The following CNNM2 variants were observed in gnomAD, a reference collection of about 807,000 sequenced individuals.
CNNM2 encodes cyclin and CBS domain divalent metal cation transport mediator 2.
A neutral mutation model predicts 66.9 loss-of-function variants in CNNM2; 12 were observed. The observed-to-expected ratio is 0.18, with a 90% CI of 0.11 to 0.29. The LOEUF is 0.29. Among genes scored for constraint, CNNM2 ranks in the 10% least tolerant of loss-of-function variants. The pLI is 1.00. For synonymous variants in CNNM2, 557 were observed against 501.8 expected (o/e 1.11, Z -1.47); for missense variants, 705 against 1,167.7 (o/e 0.60, Z 5.77).
At chr10:103,034,101 C>A (rs1041515374) in intron 1 of CNNM2, among the ~76,000 whole-genome samples, 2 of 151,264 alleles carry the variant, frequency 1.3e-5, no homozygotes, top group Middle Eastern at 3.2e-3. Flanking sequence ...GATTAATTTT[C>A]CTTCTAATAT....
Position 103,043,273 on chromosome 10 carries a change from CTG to C in CNNM2, c.1622-6430_1622-6429del, listed in dbSNP as rs967565691. On this transcript the variant is annotated intron_variant, in intron 1 of 7. Coordinates refer to ENST00000369878, the MANE Select transcript of CNNM2 (RefSeq NM_017649.5). The stretch of plus-strand genomic sequence containing the variant: ...GCATTATTGGGTCTTCTTGACTACT[CTG>C]TGTCACTTTTTATTAGCACAGCTAT... 8.7e-4 allele frequency among the ~76,000 whole-genome samples: 133 copies of C among 152,306 alleles called. 1 individual carries two copies. Among genetic ancestry groups the C allele is most frequent in the African/African-American group, 3.1e-3 (129 of 41,574 alleles).
intron 1 of CNNM2, chr10:102,927,193 A>G (rs1190269824): frequency 7.8e-6 from 7 of 897,294 alleles, no homozygotes; most frequent in Non-Finnish European, 1.2e-5. Flanking sequence ...ATATGTGTGT[A>G]TGTATATGTT....
chr10:103,071,087 T>G (rs1450516819), intron 5 of CNNM2, among the ~76,000 whole-genome samples: 6 of 152,226 alleles, frequency 3.9e-5, no homozygotes, highest in Non-Finnish European at 7.3e-5. Context: ...TGTTTATTGA[T>G]GTTCGCTGTC....
chr10:103,077,820 T>C lies in CNNM2; in HGVS notation c.*640T>C, dbSNP rs745397849. 2.0e-5 allele frequency: 3 copies of C among 152,680 alleles called. No individual in the cohort carries two copies. Among genetic ancestry groups the C allele is most frequent in the Admixed American group, 1.3e-4 (2 of 15,292 alleles). The allele number at this position is 152,680 out of a possible 1,614,324, so 9.5% of individuals were successfully genotyped here. A position where few individuals can be genotyped will look rare whatever the true frequency, so the allele number is the denominator to read the frequency against. On this transcript the variant is annotated 3_prime_UTR_variant, in exon 8 of 8. Transcript: ENST00000369878. ...AATCACCTCTCTGAGCTCAGTGGTA[T>C]TTTGAGAATTTAATGTTTAACTGTA... is the stretch of plus-strand genomic sequence containing the variant.
intron 1 of CNNM2, among the ~76,000 whole-genome samples, chr10:103,042,456 G>T (rs2065059346): frequency 6.6e-6 from 1 of 152,152 alleles, no homozygotes; most frequent in Non-Finnish European, 1.5e-5. Flanking sequence ...GACCCAACAT[G>T]CCTTTTCACT....
At chr10:102,984,017 A>G (rs903380301) in intron 1 of CNNM2, among the ~76,000 whole-genome samples, 4 of 152,112 alleles carry the variant, frequency 2.6e-5, no homozygotes, top group Admixed American at 6.6e-5. Flanking sequence ...TGGCCTCCCA[A>G]AGTGCTGGGA....
intron 1 of CNNM2, among the ~76,000 whole-genome samples, chr10:103,047,651 C>T (rs2065148642): frequency 6.6e-6 from 1 of 152,094 alleles, no homozygotes; most frequent in Non-Finnish European, 1.5e-5. Flanking sequence ...TAAAATTATT[C>T]CAAAGTAAGA....
At chr10:102,965,676 C>CT (rs2063452562) in intron 1 of CNNM2, among the ~76,000 whole-genome samples, 2 of 152,322 alleles carry the variant, frequency 1.3e-5, no homozygotes, top group South Asian at 4.1e-4. Context: ...TTTGTCTACT[C>CT]TATCTCTGTA....
rs2065267061 is a variant in CNNM2 at position 103,054,590 on chromosome 10, GTGTTT to G, written c.1903+131_1903+135del. On this transcript the variant is annotated intron_variant, in intron 3 of 7. Transcript: ENST00000369878. The surrounding 1 kb of genome is among the most constrained non-coding windows in gnomAD (Gnocchi z 5.2). The stretch of plus-strand genomic sequence containing the variant: ...TGGGGTGATAAGTAATGCCACTTTT[GTGTTT>G]TGTTTTTTTTGTTTTTTTGTTTTGT... The G allele has an allele frequency of 4.9e-6, 5 of 1,012,836 alleles. No individual in the cohort carries two copies. The highest frequency in any genetic ancestry group is 7.2e-6 in the Non-Finnish European group (5 of 696,950). 62.7% of individuals were successfully genotyped at this position (1,012,836 alleles called of 1,614,324 possible). A position where few individuals can be genotyped will look rare whatever the true frequency, so the allele number is the denominator to read the frequency against.
intron 1 of CNNM2, among the ~76,000 whole-genome samples, chr10:103,032,294 G>T (rs1346937488): frequency 6.6e-6 from 1 of 151,826 alleles, no homozygotes; most frequent in Admixed American, 6.6e-5. Context: ...TACTAAAAAA[G>T]ACAAAAAACA....
intron 1 of CNNM2, among the ~76,000 whole-genome samples, chr10:102,969,458 C>T (rs868836633): frequency 2.1e-4 from 32 of 151,600 alleles, no homozygotes; most frequent in Admixed American, 7.9e-4. Flanking sequence ...GTGATTTGCC[C>T]GCCTCGGCCT....
chr10:102,985,979 C>T (rs1378860668), intron 1 of CNNM2, among the ~76,000 whole-genome samples: 2 of 152,148 alleles, frequency 1.3e-5, no homozygotes, highest in Non-Finnish European at 2.9e-5. Context: ...AAAGTGATTG[C>T]ACCTTACCTC....
chr10:103,077,424 G>A lies in CNNM2; in HGVS notation c.*244G>A, dbSNP rs1396894351. The A allele has an allele frequency of 1.7e-5, 8 of 482,750 alleles. No individual in the cohort carries two copies. Among genetic ancestry groups the A allele is most frequent in the Admixed American group, 6.9e-5 (2 of 28,902 alleles). 29.9% of individuals were successfully genotyped at this position (482,750 alleles called of 1,614,324 possible). A position where few individuals can be genotyped will look rare whatever the true frequency, so the allele number is the denominator to read the frequency against. Reference sequence around the variant, plus strand: ...AAGATTTTGGAGATGAACTGATTCCGCCCAAATAGAATCATGTTTATTTTT... The same window carrying A: ...AAGATTTTGGAGATGAACTGATTCCACCCAAATAGAATCATGTTTATTTTT... On this transcript the variant is annotated 3_prime_UTR_variant, in exon 8 of 8. Coordinates refer to ENST00000369878, the MANE Select transcript of CNNM2 (RefSeq NM_017649.5).
intron 1 of CNNM2, among the ~76,000 whole-genome samples, chr10:102,993,616 T>TTC (rs2063935022): frequency 6.6e-6 from 1 of 152,170 alleles, no homozygotes; most frequent in Non-Finnish European, 1.5e-5. Flanking sequence ...TTTTTGTTGT[T>TTC]TCTCTCTCCC....
chr10:103,024,502 G>A (rs1435545193), intron 1 of CNNM2, among the ~76,000 whole-genome samples: 1 of 151,698 alleles, frequency 6.6e-6, no homozygotes, highest in Non-Finnish European at 1.5e-5. Flanking sequence ...TTTTTGAGAT[G>A]GAGTCTTGCT....
intron 4 of CNNM2, among the ~76,000 whole-genome samples, chr10:103,061,398 T>A (rs779945855): frequency 1.1e-4 from 16 of 151,964 alleles, no homozygotes; most frequent in Non-Finnish European, 1.9e-4. Flanking sequence ...CTCAAAAAAA[T>A]ATATATAATA....
chr10:102,965,855 CTTT>C (rs1204986314), intron 1 of CNNM2, among the ~76,000 whole-genome samples: 3 of 152,084 alleles, frequency 2.0e-5, no homozygotes, highest in African/African-American at 7.2e-5. Context: ...ACTTGCTAGA[CTTT>C]TTTAAGCTTC....
chr10:103,032,376 G>A (rs2134303362), intron 1 of CNNM2, among the ~76,000 whole-genome samples: 1 of 151,904 alleles, frequency 6.6e-6, no homozygotes, highest in East Asian at 1.9e-4. Flanking sequence ...GCTTGAACCT[G>A]GGAGATGGAG....
chr10:103,031,999 A>C (rs1037062505), intron 1 of CNNM2, among the ~76,000 whole-genome samples: 2 of 152,252 alleles, frequency 1.3e-5, no homozygotes, highest in African/African-American at 4.8e-5. Context: ...GCATGAAGCC[A>C]CTGCAAGCCT....
Sources: allele counts gnomAD v4.1 joint callset (sites outside exome capture counted in the v4.1 genomes callset), GRCh38; gene constraint gnomAD v4.1.1; non-coding constraint Gnocchi (gnomAD v3.1); transcripts MANE v1.5; gene names NCBI Gene and HGNC (gene_info 2026-07-23, HGNC 2026-07-21).